The following EXT1 variants were observed in gnomAD, a reference collection of about 807,000 sequenced individuals.
EXT1 encodes exostosin-1.
EXT1 carries 20 observed loss-of-function variants against 82.5 expected under a neutral mutation model. The ratio of observed to expected loss-of-function variants is 0.24; its 90% CI spans 0.17 to 0.35. The LOEUF is 0.35. Among genes scored for constraint, EXT1 ranks in the 10% least tolerant of loss-of-function variants. The pLI is 1.00. For missense variants in EXT1, 757 were observed against 936.5 expected, an observed-to-expected ratio of 0.81 and a Z score of 2.50; for synonymous variants, 348 against 350.8, an observed-to-expected ratio of 0.99 and a Z score of 0.09.
chr8:117,860,146 C>CAAAAAAAAAAAAAAAAAAAAAAAAAAAAA (rs34399339), intron 1 of EXT1, among the ~76,000 whole-genome samples: 1 of 76,896 alleles, frequency 1.3e-5, no homozygotes, highest in Non-Finnish European at 2.3e-5. Flanking sequence ...GATTCTATCT[C>CAAAAAAAAAAAAAAAAAAAAAAAAAAAAA]AAAAAAAAAA....
At chr8:117,893,461 G>A (rs780425041) in intron 1 of EXT1, among the ~76,000 whole-genome samples, 4 of 152,150 alleles carry the variant, frequency 2.6e-5, no homozygotes, top group Admixed American at 6.5e-5. Context: ...AGAATGGCAC[G>A]AAGAAACAAA....
At chr8:117,840,335 G>A (rs528101164) in intron 1 of EXT1, among the ~76,000 whole-genome samples, 141 of 152,162 alleles carry the variant, frequency 9.3e-4, no homozygotes, top group African/African-American at 3.0e-3. Flanking sequence ...GAGAACCACC[G>A]GGCATGGTGG....
At chr8:117,811,445 C>T (rs1013772776) in intron 8 of EXT1, among the ~76,000 whole-genome samples, 1 of 152,024 alleles carries the variant, frequency 6.6e-6, no homozygotes, top group African/African-American at 2.4e-5. Flanking sequence ...AAGCATGCAT[C>T]CCCCCACCCT....
chr8:117,986,285 G>A (rs1167981339), intron 1 of EXT1, among the ~76,000 whole-genome samples: 2 of 151,890 alleles, frequency 1.3e-5, no homozygotes, highest in East Asian at 1.9e-4. Flanking sequence ...TGCCTCCTGG[G>A]TTCAAGCGAT....
At chr8:118,092,941 C>T (rs981322883) in intron 1 of EXT1, among the ~76,000 whole-genome samples, 1 of 152,166 alleles carries the variant, frequency 6.6e-6, no homozygotes, top group Non-Finnish European at 1.5e-5. Context: ...TGAGAAAGCT[C>T]CCAGGCCACA....
chr8:117,815,219 C>T (rs1811783850), intron 7 of EXT1, among the ~76,000 whole-genome samples: 1 of 152,118 alleles, frequency 6.6e-6, no homozygotes, highest in Non-Finnish European at 1.5e-5. Flanking sequence ...TTGTTAAGCC[C>T]ACAGGGGAAA....
At chr8:117,871,125 A>G (rs1287533178) in intron 1 of EXT1, among the ~76,000 whole-genome samples, 1 of 152,222 alleles carries the variant, frequency 6.6e-6, no homozygotes, top group Non-Finnish European at 1.5e-5. Context: ...AGAAGTATTT[A>G]AAAGCCTTCC....
At chr8:118,003,144 C>T (rs1347413212) in intron 1 of EXT1, among the ~76,000 whole-genome samples, 1 of 151,922 alleles carries the variant, frequency 6.6e-6, no homozygotes, top group African/African-American at 2.4e-5. Context: ...AGTGAAGAAA[C>T]TCAGGAATGG....
At chr8:117,921,028 G>A (rs1298336284) in intron 1 of EXT1, among the ~76,000 whole-genome samples, 1 of 152,178 alleles carries the variant, frequency 6.6e-6, no homozygotes, top group Non-Finnish European at 1.5e-5. Context: ...ACCATCACAG[G>A]TCATCCTTTA....
chr8:117,996,162 C>T (rs1419643168), intron 1 of EXT1, among the ~76,000 whole-genome samples: 2 of 152,132 alleles, frequency 1.3e-5, no homozygotes, highest in African/African-American at 4.8e-5. Flanking sequence ...GCCCTTGGAA[C>T]CCAGCCACCA....
chr8:118,104,651 G>T (rs749848876), intron 1 of EXT1, among the ~76,000 whole-genome samples: 1 of 152,138 alleles, frequency 6.6e-6, no homozygotes, highest in East Asian at 1.9e-4. Context: ...TTCAAATTTT[G>T]GATTTTTTTA....
At chr8:118,006,634 T>C (rs1586338579) in intron 1 of EXT1, among the ~76,000 whole-genome samples, 1 of 152,244 alleles carries the variant, frequency 6.6e-6, no homozygotes, top group South Asian at 2.1e-4. Flanking sequence ...CACATTATCC[T>C]AACCCACTTC....
At chr8:117,819,158 C>A (rs1426346643) in intron 6 of EXT1, among the ~76,000 whole-genome samples, 2 of 152,078 alleles carry the variant, frequency 1.3e-5, no homozygotes, top group Non-Finnish European at 2.9e-5. Flanking sequence ...TCAGAAAAAC[C>A]ACCGTTCAAT....
At chr8:117,806,237 T>C (rs530492659) in intron 9 of EXT1, among the ~76,000 whole-genome samples, 3 of 152,292 alleles carry the variant, frequency 2.0e-5, no homozygotes, top group South Asian at 2.1e-4. Flanking sequence ...CTTCTCAACA[T>C]AGAATCCACA....
intron 1 of EXT1, among the ~76,000 whole-genome samples, chr8:118,075,412 T>C (rs1817189534): frequency 6.6e-6 from 1 of 152,200 alleles, no homozygotes; most frequent in Non-Finnish European, 1.5e-5. Flanking sequence ...GAGTGTCCTC[T>C]AAGGCACAGA....
intron 1 of EXT1, among the ~76,000 whole-genome samples, chr8:117,862,896 G>A (rs944316879): frequency 7.0e-6 from 1 of 143,516 alleles, no homozygotes; most frequent in African/African-American, 2.5e-5. Flanking sequence ...AATTCGGGAA[G>A]TGGAAAGCAT....
chr8:117,845,840 C>T (rs529750326), intron 1 of EXT1, among the ~76,000 whole-genome samples: 2 of 152,260 alleles, frequency 1.3e-5, no homozygotes, highest in East Asian at 3.9e-4. Flanking sequence ...GTAATCTTTA[C>T]TGTGCCTTAT....
chr8:118,036,025 C>T (rs888727395), intron 1 of EXT1, among the ~76,000 whole-genome samples: 17 of 152,044 alleles, frequency 1.1e-4, no homozygotes, highest in African/African-American at 3.4e-4. Flanking sequence ...GCAGTAATGA[C>T]CCATTTTACT....
intron 1 of EXT1, among the ~76,000 whole-genome samples, chr8:117,896,248 C>A (rs190766444): frequency 2.0e-5 from 3 of 152,106 alleles, no homozygotes; most frequent in Non-Finnish European, 4.4e-5. Context: ...ACAACTTGCA[C>A]CAAAAAAATC....
Sources: allele counts gnomAD v4.1 joint callset (sites outside exome capture counted in the v4.1 genomes callset), GRCh38; gene constraint gnomAD v4.1.1; transcripts MANE v1.5; gene names NCBI Gene and HGNC (gene_info 2026-07-23, HGNC 2026-07-21).